TAF5: variants seen among roughly 807,000 people sequenced by gnomAD.
TAF5 encodes transcription initiation factor TFIID subunit 5.
In TAF5, 20 loss-of-function variants were observed where a neutral mutation model predicts 80.9. That is an observed-to-expected ratio of 0.25 (90% CI 0.17 to 0.36). The LOEUF is 0.36. Among genes scored for constraint, TAF5 ranks in the 10% least tolerant of loss-of-function variants. The pLI is 1.00. For synonymous variants in TAF5, 388 were observed against 406.4 expected, an observed-to-expected ratio of 0.95 and a Z score of 0.55; for missense variants, 863 against 1,029.4, an observed-to-expected ratio of 0.84 and a Z score of 2.21.
chr10:103,368,633 CG>C, intron 1 of TAF5, 85 bp downstream of exon 1: 1 of 1,384,364 alleles, frequency 7.2e-7, no homozygotes, highest in East Asian at 2.8e-5. Context: ...TGCACCTCTG[CG>C]GGCTTGTTTT....
chr10:103,369,516 G>T (rs1452362058), intron 1 of TAF5, among the ~76,000 whole-genome samples: 1 of 151,792 alleles, frequency 6.6e-6, no homozygotes, highest in Non-Finnish European at 1.5e-5. Context: ...GCGCCACCAC[G>T]CCCGGCTAAT....
intron 2 of TAF5, among the ~76,000 whole-genome samples, chr10:103,376,141 G>T (rs2093369547): frequency 6.6e-6 from 1 of 151,376 alleles, no homozygotes; most frequent in South Asian, 2.1e-4. Context: ...ACCCAGGCTG[G>T]CATGCAGTGG....
chr10:103,387,785 G>A (rs2093400782), intron 10 of TAF5, 87 bp downstream of exon 10: 2 of 1,368,666 alleles, frequency 1.5e-6, no homozygotes, highest in African/African-American at 2.9e-5. Context: ...TTATGTTTTA[G>A]GTTTTACTTC....
chr10:103,387,835 A>C, intron 10 of TAF5, 137 bp downstream of exon 10: 1 of 1,118,714 alleles, frequency 8.9e-7, no homozygotes, highest in Non-Finnish European at 1.3e-6. Flanking sequence ...TACATCAATC[A>C]CTTCTCAGGT....
At chr10:103,387,489 T>C in intron 9 of TAF5, 32 bp from the exon 10 acceptor site, 7 of 1,587,214 alleles carry the variant, frequency 4.4e-6, no homozygotes, top group Non-Finnish European at 6.0e-6. Context: ...TTCCTAGACA[T>C]ACTTTGATCT....
chr10:103,383,189 GT>G (rs1162511217), intron 6 of TAF5, 48 bp from the exon 7 acceptor site: 2 of 1,491,230 alleles, frequency 1.3e-6, no homozygotes, highest in Non-Finnish European at 1.8e-6. Context: ...TACTTTAAAA[GT>G]TTTGATGAAT....
chr10:103,373,708 C>A, intron 2 of TAF5, 113 bp downstream of exon 2: 1 of 800,966 alleles, frequency 1.2e-6, no homozygotes, highest in Non-Finnish European at 1.9e-6. Flanking sequence ...TTAAAAAGTA[C>A]GTTGTGAAGG....
chr10:103,387,381 C>T, intron 9 of TAF5, 29 bp downstream of exon 9: 1 of 1,573,632 alleles, frequency 6.4e-7, no homozygotes. Context: ...ATTCCAGCAT[C>T]CAAGGTTGCT....
intron 1 of TAF5, 109 bp from the exon 2 acceptor site, chr10:103,373,245 GAAGA>G (rs1331694509): frequency 3.7e-6 from 3 of 807,908 alleles, no homozygotes; most frequent in African/African-American, 1.7e-5. Context: ...GAGACAGTGG[GAAGA>G]AAGAGACAAC....
At chr10:103,387,923 A>G (rs1412821493) in intron 10 of TAF5, 83 bp from the exon 11 acceptor site, 2 of 1,332,062 alleles carry the variant, frequency 1.5e-6, no homozygotes, top group Non-Finnish European at 1.1e-6. Context: ...CAAAATGTAC[A>G]GTAAATACAT....
intron 7 of TAF5, among the ~76,000 whole-genome samples, 191 bp from the exon 8 acceptor site, chr10:103,385,135 T>C (rs1253204195): frequency 6.6e-6 from 1 of 152,186 alleles, no homozygotes; most frequent in East Asian, 1.9e-4. Flanking sequence ...TTAACATTAG[T>C]TTGGTTAGTT....
At chr10:103,384,407 C>T (rs972640266) in intron 7 of TAF5, among the ~76,000 whole-genome samples, 2 of 152,156 alleles carry the variant, frequency 1.3e-5, no homozygotes, top group African/African-American at 2.4e-5. Context: ...AAGACAGGCG[C>T]ATCACCTGAG....
intron 7 of TAF5, among the ~76,000 whole-genome samples, chr10:103,383,992 G>T (rs1171916380): frequency 6.6e-6 from 1 of 150,864 alleles, no homozygotes; most frequent in Non-Finnish European, 1.5e-5. Context: ...TTACCCAATG[G>T]TAAATAACCA....
At chr10:103,381,687 A>C in intron 5 of TAF5, 34 bp from the exon 6 acceptor site, 1 of 1,611,860 alleles carries the variant, frequency 6.2e-7, no homozygotes, top group Non-Finnish European at 8.5e-7. Flanking sequence ...ATATCCTAAA[A>C]TAGTATTGTT....
Position 103,387,313 on chromosome 10 carries a change from C to T in TAF5, c.1968C>T (p.Val656=), listed in dbSNP as rs944029870. ...SADRTVRLWD[V]LNGNCVRIFT... ...ACAGAACTGTGCGGCTCTGGGACGT[C>T]CTGAATGGTAACTGTGTAAGGATCT... The change falls in exon 9 of 11, where the codon GTC becomes GTT. Residue 656 remains valine (V), a synonymous_variant. Coordinates refer to ENST00000369839, the MANE Select transcript of TAF5 (RefSeq NM_006951.5). The T allele has an allele frequency of 1.9e-6, 3 of 1,613,914 alleles. No homozygotes were observed. Among genetic ancestry groups the T allele is most frequent in the Non-Finnish European group, 2.5e-6 (3 of 1,180,020 alleles).
intron 1 of TAF5, among the ~76,000 whole-genome samples, chr10:103,369,138 C>A (rs1386726829): frequency 6.6e-6 from 1 of 151,542 alleles, no homozygotes; most frequent in African/African-American, 2.4e-5. Flanking sequence ...ACTGCCACGG[C>A]CGGCTAATTT....
Position 103,378,835 on chromosome 10 carries a change from A to C in TAF5, c.1113+285A>C, listed in dbSNP as rs1223064973. Among the ~76,000 whole-genome samples the C allele has an allele frequency of 6.6e-6, 1 of 151,850 alleles. No individual in the cohort carries two copies. Among genetic ancestry groups the C allele is most frequent in the Admixed American group, 6.6e-5 (1 of 15,230 alleles). ...ACCAACCTGGCTAATTTTTGTATTT[A>C]CTTTAGTAGAGACAGGGTTTCACCA... On this transcript the variant is annotated intron_variant, in intron 3 of 10. Coordinates refer to ENST00000369839, the MANE Select transcript of TAF5 (RefSeq NM_006951.5). The surrounding 1 kb of genome is among the most constrained non-coding windows in gnomAD (Gnocchi z 4.1).
chr10:103,387,083 G>A (rs2093398402), intron 8 of TAF5, 92 bp from the exon 9 acceptor site: 2 of 1,300,568 alleles, frequency 1.5e-6, no homozygotes, highest in Non-Finnish European at 2.1e-6. Context: ...AACTTTTTAT[G>A]TGGATGTTTC....
chr10:103,379,849 C>A, intron 4 of TAF5, 35 bp from the exon 5 acceptor site: 1 of 1,605,192 alleles, frequency 6.2e-7, no homozygotes, highest in South Asian at 1.1e-5. Context: ...TGTTAATAGT[C>A]AAAAGGTAAT....
Sources: allele counts gnomAD v4.1 joint callset (sites outside exome capture counted in the v4.1 genomes callset), GRCh38; gene constraint gnomAD v4.1.1; non-coding constraint Gnocchi (gnomAD v3.1); transcripts MANE v1.5; gene names NCBI Gene and HGNC (gene_info 2026-07-23, HGNC 2026-07-21).